The following BRINP3 variants were observed in gnomAD, a reference collection of about 807,000 sequenced individuals.
BRINP3 encodes the protein BMP/retinoic acid inducible neural specific 3.
Under a neutral mutation model 71.0 loss-of-function variants are expected in BRINP3, and 19 were observed. The observed-to-expected ratio is 0.27, with a 90% CI of 0.19 to 0.39. The LOEUF is 0.39. Among genes scored for constraint, BRINP3 ranks in the 10% least tolerant of loss-of-function variants. The pLI is 1.00. For synonymous variants in BRINP3, 380 were observed against 337.7 expected (o/e 1.13, Z -1.37); for missense variants, 959 against 940.8 (o/e 1.02, Z -0.25).
chr1:190,423,034 T>C (rs1463441544), intron 2 of BRINP3, among the ~76,000 whole-genome samples: 1 of 151,794 alleles, frequency 6.6e-6, no homozygotes, highest in African/African-American at 2.4e-5. Context: ...TAAGCTTCCA[T>C]TGATCCTTCT....
Position 190,109,962 on chromosome 1 carries a change from G to T in BRINP3, c.1185-10828C>A, listed in dbSNP as rs114659210. ...AGGTGATCAACTGTGGGACTTTTCAGCCTCTTTAATCATGTGAGTCCATTC... is the reference window on the plus strand; with the variant it reads ...AGGTGATCAACTGTGGGACTTTTCATCCTCTTTAATCATGTGAGTCCATTC... On this transcript the variant is annotated intron_variant, in intron 7 of 7. Coordinates refer to ENST00000367462, the MANE Select transcript of BRINP3 (RefSeq NM_199051.3). Among the ~76,000 whole-genome samples, 691 of 152,280 alleles carry T rather than the reference G, an allele frequency of 4.5e-3. 3 individuals are homozygous for T. The highest frequency in any genetic ancestry group is 0.015 in the African/African-American group (633 of 41,548).
chr1:190,317,536 C>A (rs549403175), intron 2 of BRINP3, among the ~76,000 whole-genome samples: 2 of 152,028 alleles, frequency 1.3e-5, no homozygotes, highest in South Asian at 4.2e-4. Context: ...TGCTTGAGAC[C>A]CAATTCCCTG....
In BRINP3 at chr1:190,411,009, A is replaced by G. The variant is rs560321021; in HGVS notation, c.236+43646T>C. 1.4e-3 allele frequency among the ~76,000 whole-genome samples: 220 copies of G among 152,136 alleles called. 1 individual carries two copies. The highest frequency in any genetic ancestry group is 5.2e-3 in the African/African-American group (218 of 41,534). On this transcript the variant is annotated intron_variant, in intron 2 of 7. Coordinates refer to ENST00000367462, the MANE Select transcript of BRINP3 (RefSeq NM_199051.3). ...CAAAGGGTCAAAAAAAACCAAGACG[A>G]CTCCTGATAAAGAAGCAAGGTAGGA...
At chr1:190,161,738 G>A (rs1186227035) in intron 6 of BRINP3, among the ~76,000 whole-genome samples, 2 of 151,936 alleles carry the variant, frequency 1.3e-5, no homozygotes, top group African/African-American at 4.8e-5. Flanking sequence ...ACAACTAGAC[G>A]GTTAATCAAC....
intron 2 of BRINP3, among the ~76,000 whole-genome samples, chr1:190,453,020 G>C (rs1178371524): frequency 6.6e-6 from 1 of 151,974 alleles, no homozygotes; most frequent in Non-Finnish European, 1.5e-5. Context: ...GTGTGATAGA[G>C]TGTTAAAAAT....
At chr1:190,411,676 C>T (rs10920715) in intron 2 of BRINP3, among the ~76,000 whole-genome samples, 25,505 of 152,018 alleles carry the variant, frequency 0.17, 2,227 homozygotes, top group Middle Eastern at 0.22. Context: ...TTTCTCCCTC[C>T]TAACATTTCA....
intron 2 of BRINP3, among the ~76,000 whole-genome samples, chr1:190,442,483 T>C (rs1044715238): frequency 2.6e-5 from 4 of 152,206 alleles, no homozygotes; most frequent in African/African-American, 9.6e-5. Flanking sequence ...GCCCAGGCCA[T>C]TCTCTTTGAC....
At chr1:190,195,566 C>G (rs1281560721) in intron 6 of BRINP3, among the ~76,000 whole-genome samples, 4 of 151,844 alleles carry the variant, frequency 2.6e-5, no homozygotes, top group African/African-American at 9.7e-5. Context: ...TTCACTTTTC[C>G]TTCAAATTTT....
chr1:190,218,246 G>C (rs950832062), intron 6 of BRINP3, among the ~76,000 whole-genome samples: 2 of 151,788 alleles, frequency 1.3e-5, no homozygotes, highest in Non-Finnish European at 2.9e-5. Context: ...ATTCATAATA[G>C]TACAGGTAAG....
intron 2 of BRINP3, among the ~76,000 whole-genome samples, chr1:190,327,326 C>CAAAAAAAAAAAAAAAAAAAAAAAAAAAAA (rs1227478693): frequency 9.0e-5 from 4 of 44,218 alleles, no homozygotes; most frequent in Non-Finnish European, 1.5e-4. Context: ...AAAAAAAGAA[C>CAAAAAAAAAAAAAAAAAAAAAAAAAAAAA]AAAAAAAAAA....
intron 2 of BRINP3, among the ~76,000 whole-genome samples, chr1:190,422,502 T>G (rs1673450686): frequency 6.6e-6 from 1 of 151,806 alleles, no homozygotes; most frequent in Admixed American, 6.6e-5. Flanking sequence ...GAAGTCAACA[T>G]GAAAGATGAC....
At position 190,410,936 on chromosome 1, in the gene BRINP3, GT is replaced by G. The variant is rs1181118072; in HGVS notation, c.236+43718del. Among the ~76,000 whole-genome samples, 3 of 151,904 alleles carry G rather than the reference GT, an allele frequency of 2.0e-5. No homozygotes were observed. The East Asian group carries it at 5.8e-4, about 30-fold the overall frequency. ...TGCAATTCCAATTAAAATCCCAACA[GT>G]TTTTTAAAAGAAACTTGAAAGCTCA... On this transcript the variant is annotated intron_variant, in intron 2 of 7. Transcript: ENST00000367462.
intron 2 of BRINP3, among the ~76,000 whole-genome samples, chr1:190,340,144 A>G (rs114700960): frequency 6.6e-6 from 1 of 151,928 alleles, no homozygotes; most frequent in Non-Finnish European, 1.5e-5. Context: ...TAAAATCCTT[A>G]GATAAGAAAA....
intron 7 of BRINP3, among the ~76,000 whole-genome samples, chr1:190,113,031 T>A (rs1652821870): frequency 6.6e-6 from 1 of 152,140 alleles, no homozygotes; most frequent in African/African-American, 2.4e-5. Flanking sequence ...GTGAAGGATG[T>A]TTTAATTAAC....
intron 2 of BRINP3, among the ~76,000 whole-genome samples, chr1:190,373,434 A>ATATGTGTG (rs972212278): frequency 2.8e-5 from 4 of 143,830 alleles, no homozygotes; most frequent in Non-Finnish European, 6.0e-5. Flanking sequence ...ATATATATAT[A>ATATGTGTG]TGTGTGTGTG....
intron 4 of BRINP3, among the ~76,000 whole-genome samples, chr1:190,242,192 T>C (rs1439661204): frequency 6.6e-6 from 1 of 152,076 alleles, no homozygotes; most frequent in African/African-American, 2.4e-5. Flanking sequence ...AAATGTTTCT[T>C]AATTTTCAAA....
At chr1:190,459,114 C>A (rs1676208379) in intron 1 of BRINP3, among the ~76,000 whole-genome samples, 1 of 147,438 alleles carries the variant, frequency 6.8e-6, no homozygotes, top group Admixed American at 6.7e-5. Flanking sequence ...AGTATAGGTC[C>A]TACTCTTAAA....
chr1:190,213,978 C>G (rs934109658), intron 6 of BRINP3, among the ~76,000 whole-genome samples: 1 of 151,904 alleles, frequency 6.6e-6, no homozygotes, highest in African/African-American at 2.4e-5. Context: ...AAAACTATCC[C>G]CCAGGCATAT....
At chr1:190,278,889 G>A (rs995673856) in intron 3 of BRINP3, among the ~76,000 whole-genome samples, 5 of 150,918 alleles carry the variant, frequency 3.3e-5, no homozygotes, top group African/African-American at 9.7e-5. Context: ...AAACAAAAAC[G>A]AATCTTAAGG....
Sources: allele counts gnomAD v4.1 joint callset (sites outside exome capture counted in the v4.1 genomes callset), GRCh38; gene constraint gnomAD v4.1.1; transcripts MANE v1.5; gene names NCBI Gene and HGNC (gene_info 2026-07-23, HGNC 2026-07-21).